Variants in ZNF148 observed in about 807,000 individuals in gnomAD.
ZNF148 encodes the protein Beta-Enolase Repressor Factor-1.
ZNF148 carries 7 observed loss-of-function variants against 67.7 expected under a neutral mutation model. The observed-to-expected ratio is 0.10, with a 90% confidence interval of 0.06 to 0.19. The LOEUF (loss-of-function observed/expected upper bound fraction) is 0.19, where lower values mean the gene tolerates loss of function less well. Ranked by LOEUF, ZNF148 falls within the 10% of genes least tolerant of loss-of-function variation. The probability of loss-of-function intolerance (pLI) is 1.00; values close to 1 mark genes in which losing one functional copy is unlikely to be tolerated. For synonymous variants in ZNF148, 333 were observed against 330.7 expected (o/e 1.01, Z -0.08); for missense variants, 583 against 947.1 (o/e 0.62, Z 5.05).
intron 1 of ZNF148, among the ~76,000 whole-genome samples, chr3:125,355,528 A>C (rs751845714): frequency 7.2e-5 from 11 of 152,180 alleles, no homozygotes; most frequent in Admixed American, 1.3e-4. Context: ...AAAAAGAAGA[A>C]GACTGTTTTT....
chr3:125,330,055 G>A lies in ZNF148; in HGVS notation c.-153+1103C>T, dbSNP rs554293803. Among the ~76,000 whole-genome samples the A allele has an allele frequency of 8.5e-5, 13 of 152,148 alleles. No homozygotes were observed. In the South Asian group the frequency reaches 1.9e-3, roughly 22 times the overall value. On this transcript the variant is annotated intron_variant, in intron 2 of 8. Coordinates refer to ENST00000360647, the MANE Select transcript of ZNF148 (RefSeq NM_021964.3). ...AGTGTATACACCTATTATAATAAACGTGGGTAAAGAAGTGAAAAATGTTGA... is the reference window on the plus strand; with the variant it reads ...AGTGTATACACCTATTATAATAAACATGGGTAAAGAAGTGAAAAATGTTGA...
At chr3:125,326,700 GTATA>G (rs1271965009) in intron 2 of ZNF148, among the ~76,000 whole-genome samples, 5 of 145,498 alleles carry the variant, frequency 3.4e-5, no homozygotes, top group Admixed American at 1.4e-4. Flanking sequence ...CTTTATATAT[GTATA>G]TATATCTTTT....
chr3:125,245,495 G>T (rs553593139), intron 7 of ZNF148, among the ~76,000 whole-genome samples: 28 of 152,234 alleles, frequency 1.8e-4, no homozygotes, highest in African/African-American at 6.0e-4. Context: ...CCAGTCTTGG[G>T]TATGTCCTTA....
At chr3:125,246,389 T>C (rs1936599635) in intron 7 of ZNF148, among the ~76,000 whole-genome samples, 3 of 152,312 alleles carry the variant, frequency 2.0e-5, no homozygotes, top group African/African-American at 4.8e-5. Context: ...CAACATAAAA[T>C]AGTACTTAAG....
At chr3:125,240,070 G>A (rs1372880649) in intron 7 of ZNF148, among the ~76,000 whole-genome samples, 2 of 152,134 alleles carry the variant, frequency 1.3e-5, no homozygotes, top group Non-Finnish European at 2.9e-5. Context: ...TTAAATGGGT[G>A]GGTTTTCTGA....
rs1000815878 is a variant in ZNF148, at chr3:125,285,637, T to C, written c.459+2466A>G. On this transcript the variant is annotated intron_variant, in intron 5 of 8. Coordinates refer to ENST00000360647, the MANE Select transcript of ZNF148 (RefSeq NM_021964.3). ...TTGAACTCCTGGGGTCAAGCAATTC[T>C]TCCGTCTCAGCCTCCCAAAGTGCTA... Among the ~76,000 whole-genome samples the C allele has an allele frequency of 2.0e-5, 3 of 152,102 alleles. No individual in the cohort carries two copies. The East Asian group carries it at 5.8e-4, about 29-fold the overall frequency.
At chr3:125,256,238 G>A (rs1937070762) in intron 7 of ZNF148, among the ~76,000 whole-genome samples, 1 of 151,898 alleles carries the variant, frequency 6.6e-6, no homozygotes, top group Non-Finnish European at 1.5e-5. Flanking sequence ...CACGGTGGCA[G>A]GTGCCTGTAG....
At chr3:125,333,435 AGTCT>A (rs1229691551) in intron 1 of ZNF148, among the ~76,000 whole-genome samples, 8 of 152,174 alleles carry the variant, frequency 5.3e-5, no homozygotes, top group African/African-American at 1.9e-4. Context: ...CCTGTCACAT[AGTCT>A]GTCTCTGGAA....
At chr3:125,362,461 C>A (rs1942572466) in intron 1 of ZNF148, among the ~76,000 whole-genome samples, 1 of 152,084 alleles carries the variant, frequency 6.6e-6, no homozygotes, top group Admixed American at 6.6e-5. Flanking sequence ...CTCTGAACTG[C>A]TCTCTTGAAG....
chr3:125,283,572 T>C (rs1264411835), intron 5 of ZNF148, among the ~76,000 whole-genome samples: 1 of 152,116 alleles, frequency 6.6e-6, no homozygotes, highest in African/African-American at 2.4e-5. Flanking sequence ...CTGGGAAAAT[T>C]AGATAAATAA....
chr3:125,294,359 T>C (rs985007316), intron 4 of ZNF148, among the ~76,000 whole-genome samples: 12 of 152,354 alleles, frequency 7.9e-5, no homozygotes, highest in African/African-American at 2.9e-4. Flanking sequence ...TGTAGTTTAA[T>C]ACTATTTCAC....
At chr3:125,245,202 T>C (rs1307930808) in intron 7 of ZNF148, among the ~76,000 whole-genome samples, 1 of 152,074 alleles carries the variant, frequency 6.6e-6, no homozygotes, top group Non-Finnish European at 1.5e-5. Context: ...GCACCCAAAT[T>C]TCATCTCAAA....
chr3:125,341,449 T>C (rs1469493138), intron 1 of ZNF148, among the ~76,000 whole-genome samples: 1 of 151,730 alleles, frequency 6.6e-6, no homozygotes, highest in East Asian at 1.9e-4. Flanking sequence ...TGAGACCCCA[T>C]CTGTACAAAA....
intron 1 of ZNF148, among the ~76,000 whole-genome samples, chr3:125,342,388 AACAACACATT>A (rs1023663735): frequency 6.6e-6 from 1 of 151,842 alleles, no homozygotes; most frequent in Non-Finnish European, 1.5e-5. Context: ...GCCAGAGAGA[AACAACACATT>A]ACCCATAAGG....
At chr3:125,281,480 TAAG>T (rs1271322402) in intron 5 of ZNF148, among the ~76,000 whole-genome samples, 1 of 152,114 alleles carries the variant, frequency 6.6e-6, no homozygotes, top group Non-Finnish European at 1.5e-5. Flanking sequence ...TGATAACAAA[TAAG>T]AAAATCCAAC....
At chr3:125,284,000 C>T (rs1383341162) in intron 5 of ZNF148, among the ~76,000 whole-genome samples, 1 of 152,010 alleles carries the variant, frequency 6.6e-6, no homozygotes, top group Non-Finnish European at 1.5e-5. Context: ...GAGATCCTGG[C>T]ACATAACAGG....
intron 3 of ZNF148, among the ~76,000 whole-genome samples, chr3:125,320,701 C>T (rs1940732225): frequency 6.6e-6 from 1 of 152,122 alleles, no homozygotes; most frequent in Non-Finnish European, 1.5e-5. Context: ...TAACAGAACC[C>T]ATTCAATCTA....
intron 1 of ZNF148, among the ~76,000 whole-genome samples, chr3:125,366,188 A>G (rs1360230837): frequency 6.6e-6 from 1 of 152,218 alleles, no homozygotes; most frequent in African/African-American, 2.4e-5. Flanking sequence ...CATCCTCACC[A>G]TAACCCTTGC....
intron 4 of ZNF148, among the ~76,000 whole-genome samples, chr3:125,296,935 C>A (rs756996166): frequency 2.0e-5 from 3 of 151,472 alleles, no homozygotes; most frequent in Non-Finnish European, 4.4e-5. Flanking sequence ...TTTATGCAAA[C>A]ACACCAACTA....
Sources: gnomAD v4.1 joint callset for allele counts (sites outside exome capture counted in the v4.1 genomes callset) on GRCh38, gnomAD v4.1.1 for gene constraint, MANE v1.5 for transcripts, NCBI Gene and HGNC (gene_info 2026-07-23, HGNC 2026-07-21) for gene names.